Variants in DGKB observed in about 807,000 individuals in gnomAD.
DGKB encodes the protein 90 kDa diacylglycerol kinase.
In DGKB, 67 loss-of-function variants were observed where a neutral mutation model predicts 114.3. The observed-to-expected ratio is 0.59, with a 90% CI of 0.48 to 0.72. DGKB has a LOEUF of 0.72. DGKB is among the 30% of genes least tolerant of loss of function. The pLI, the probability that DGKB is intolerant of heterozygous loss-of-function variation, is 0.00. For synonymous variants in DGKB, 398 were observed against 323.1 expected (o/e 1.23, Z -2.49); for missense variants, 907 against 975.2 (o/e 0.93, Z 0.93).
rs38276 is a variant in DGKB, at chr7:14,265,375, A to T, written c.2122+73140T>A. 7.4e-5 allele frequency among the ~76,000 whole-genome samples: 10 copies of T among 134,976 alleles called. No individual in the cohort carries two copies. In the East Asian group the frequency reaches 2.3e-3, roughly 31 times the overall value. 88.5% of individuals were successfully genotyped at this position (134,976 alleles called of 152,430 possible). ...TCATTCAGATATTACCCATCTTAAC[A>T]TTAACTAGCCATGCTTTTCTGCTAC... On this transcript the variant is annotated intron_variant, in intron 23 of 25. Coordinates refer to ENST00000402815, the MANE Select transcript of DGKB (RefSeq NM_001350709.2).
In DGKB at chr7:14,672,096, C is replaced by A. The variant is rs56262543; in HGVS notation, c.1134+833G>T. Among the ~76,000 whole-genome samples the A allele has an allele frequency of 2.5e-3, 381 of 151,838 alleles. 1 individual carries two copies. Among genetic ancestry groups the A allele is most frequent in the African/African-American group, 8.8e-3 (363 of 41,484 alleles). On this transcript the variant is annotated intron_variant, in intron 13 of 25. Transcript: ENST00000402815. ...CCAGTATTTTACAGATAATTAGAAT[C>A]ATAAGTGGTACAAAATGAGTAATAT...
chr7:14,757,963 A>G (rs1349468008), intron 2 of DGKB, among the ~76,000 whole-genome samples: 1 of 152,146 alleles, frequency 6.6e-6, no homozygotes, highest in African/African-American at 2.4e-5. Context: ...GCTGGATAAG[A>G]AAAATATGGG....
intron 1 of DGKB, among the ~76,000 whole-genome samples, chr7:14,916,555 G>A (rs1472109146): frequency 6.6e-6 from 1 of 152,066 alleles, no homozygotes; most frequent in Admixed American, 6.6e-5. Context: ...GGATAAAATA[G>A]GCATTACATA....
chr7:14,189,651 A>G (rs886391248), intron 23 of DGKB, among the ~76,000 whole-genome samples: 31 of 152,178 alleles, frequency 2.0e-4, no homozygotes, highest in Non-Finnish European at 3.8e-4. Flanking sequence ...ACCCAACTAT[A>G]TACTACCTAA....
At chr7:14,435,261 C>G (rs2128799608) in intron 21 of DGKB, among the ~76,000 whole-genome samples, 1 of 152,210 alleles carries the variant, frequency 6.6e-6, no homozygotes, top group East Asian at 1.9e-4. Context: ...CACAACTAAA[C>G]ATCCATTGAT....
At chr7:14,486,354 T>C (rs1178106049) in intron 20 of DGKB, among the ~76,000 whole-genome samples, 1 of 152,198 alleles carries the variant, frequency 6.6e-6, no homozygotes, top group Non-Finnish European at 1.5e-5. Context: ...TACCAAAAAG[T>C]CTGTGGGAAA....
chr7:14,718,802 A>G (rs1828668168), intron 5 of DGKB, 117 bp from the exon 6 acceptor site: 1 of 739,414 alleles, frequency 1.4e-6, no homozygotes, highest in African/African-American at 1.8e-5. Context: ...TTTTAGGCAT[A>G]GAATAACCAA....
chr7:14,159,950 C>G (rs926855849), intron 25 of DGKB, among the ~76,000 whole-genome samples: 1 of 152,086 alleles, frequency 6.6e-6, no homozygotes, highest in African/African-American at 2.4e-5. Context: ...TGGAATTACA[C>G]GCAGGAGCCA....
chr7:14,267,404 G>C (rs534465306), intron 23 of DGKB, among the ~76,000 whole-genome samples: 1 of 152,014 alleles, frequency 6.6e-6, no homozygotes, highest in African/African-American at 2.4e-5. Context: ...GTCATGCCAC[G>C]TAGAGCAGAA....
intron 23 of DGKB, among the ~76,000 whole-genome samples, chr7:14,304,249 T>A (rs1016010585): frequency 6.6e-6 from 1 of 152,154 alleles, no homozygotes; most frequent in African/African-American, 2.4e-5. Context: ...ATTTTTATTT[T>A]TTATTTTTTT....
At chr7:14,784,894 C>G (rs936642793) in intron 2 of DGKB, among the ~76,000 whole-genome samples, 1 of 151,382 alleles carries the variant, frequency 6.6e-6, no homozygotes, top group African/African-American at 2.4e-5. Context: ...ACAATATATT[C>G]TATGTGTATT....
At chr7:14,493,281 C>T (rs889640874) in intron 20 of DGKB, among the ~76,000 whole-genome samples, 2 of 151,950 alleles carry the variant, frequency 1.3e-5, no homozygotes, top group Non-Finnish European at 2.9e-5. Flanking sequence ...TCAGTAGATG[C>T]CTGAAACTGC....
intron 20 of DGKB, among the ~76,000 whole-genome samples, 169 bp from the exon 21 acceptor site, chr7:14,478,394 G>A (rs7794554): frequency 0.33 from 49,679 of 151,942 alleles, 8,692 homozygotes; most frequent in South Asian, 0.41. Context: ...ATATGCAGAA[G>A]TGATTTATGT....
intron 23 of DGKB, among the ~76,000 whole-genome samples, chr7:14,230,294 G>T (rs1056325741): frequency 2.0e-4 from 30 of 152,000 alleles, no homozygotes; most frequent in African/African-American, 7.0e-4. Flanking sequence ...CACATAAATT[G>T]ATGAATGCTT....
At chr7:14,832,614 T>C (rs2128124939) in intron 2 of DGKB, among the ~76,000 whole-genome samples, 1 of 152,256 alleles carries the variant, frequency 6.6e-6, no homozygotes, top group South Asian at 2.1e-4. Context: ...AATCTCATTT[T>C]TTGAAAACAT....
chr7:14,624,291 A>G (rs910102525), intron 14 of DGKB, among the ~76,000 whole-genome samples: 3 of 152,202 alleles, frequency 2.0e-5, no homozygotes, highest in African/African-American at 7.2e-5. Flanking sequence ...CATGGCATCA[A>G]TATTTTGTAA....
intron 21 of DGKB, among the ~76,000 whole-genome samples, chr7:14,445,434 T>C (rs1830600128): frequency 6.6e-6 from 1 of 151,934 alleles, no homozygotes; most frequent in Non-Finnish European, 1.5e-5. Flanking sequence ...AACTTTGCAA[T>C]AGCCCCTTTC....
intron 21 of DGKB, among the ~76,000 whole-genome samples, chr7:14,374,010 A>T (rs1383313035): frequency 6.6e-6 from 1 of 152,080 alleles, no homozygotes; most frequent in Non-Finnish European, 1.5e-5. Context: ...CCTTCCTGAA[A>T]GATCTAAGAC....
At chr7:14,900,203 T>C (rs1022479598) in intron 1 of DGKB, among the ~76,000 whole-genome samples, 2 of 152,166 alleles carry the variant, frequency 1.3e-5, no homozygotes, top group Non-Finnish European at 2.9e-5. Context: ...AGATATTGAC[T>C]ATGGTATTGG....
Sources: gnomAD v4.1 joint callset for allele counts (sites outside exome capture counted in the v4.1 genomes callset) on GRCh38, gnomAD v4.1.1 for gene constraint, MANE v1.5 for transcripts, NCBI Gene and HGNC (gene_info 2026-07-23, HGNC 2026-07-21) for gene names.